The following SMAD3 variants were observed in gnomAD, a reference collection of about 807,000 sequenced individuals.
The protein encoded by SMAD3 is SMAD family member 3.
SMAD3 carries 12 observed loss-of-function variants against 51.8 expected under a neutral mutation model. The observed-to-expected ratio is 0.23, with a 90% confidence interval of 0.15 to 0.38. The LOEUF is 0.38. Ranked by LOEUF, SMAD3 falls within the 10% of genes least tolerant of loss-of-function variation. The probability of loss-of-function intolerance (pLI) is 1.00; values close to 1 mark genes in which losing one functional copy is unlikely to be tolerated. For synonymous variants in SMAD3, 238 were observed against 227.7 expected (o/e 1.05, Z -0.41); for missense variants, 294 against 565.6 (o/e 0.52, Z 4.87).
intron 1 of SMAD3, among the ~76,000 whole-genome samples, chr15:67,086,236 C>T (rs1280620343): frequency 6.6e-6 from 1 of 152,074 alleles, no homozygotes; most frequent in Non-Finnish European, 1.5e-5. Flanking sequence ...CCGGTGGATT[C>T]TAGGGGCTGT....
intron 1 of SMAD3, among the ~76,000 whole-genome samples, chr15:67,138,872 G>T (rs1288528435): frequency 1.3e-5 from 2 of 152,184 alleles, no homozygotes; most frequent in Non-Finnish European, 1.5e-5. Context: ...GGGAAGATAT[G>T]AAATATAATT....
At chr15:67,140,330 G>C (rs543333546) in intron 1 of SMAD3, among the ~76,000 whole-genome samples, 1 of 152,290 alleles carries the variant, frequency 6.6e-6, no homozygotes, top group East Asian at 1.9e-4. Context: ...TTCTCACTTT[G>C]GTTTCAGGCA....
At chr15:67,174,702 G>A (rs1321531568) in intron 5 of SMAD3, 1 of 152,234 alleles carries the variant, frequency 6.6e-6, no homozygotes, top group Non-Finnish European at 1.5e-5. Context: ...TAGGATGGAG[G>A]CAAGCACACA....
At chr15:67,131,323 C>T (rs1204267056) in intron 1 of SMAD3, among the ~76,000 whole-genome samples, 2 of 152,148 alleles carry the variant, frequency 1.3e-5, no homozygotes, top group East Asian at 3.9e-4. Flanking sequence ...AACCAAGAGG[C>T]TTTGACTCAT....
intron 1 of SMAD3, among the ~76,000 whole-genome samples, chr15:67,086,397 T>C (rs982575762): frequency 1.3e-5 from 2 of 152,174 alleles, no homozygotes; most frequent in African/African-American, 4.8e-5. Context: ...AGAAATCTGA[T>C]GGGACACATC....
chr15:67,155,841 G>C (rs955668719), intron 1 of SMAD3, among the ~76,000 whole-genome samples: 1 of 152,028 alleles, frequency 6.6e-6, no homozygotes, highest in Non-Finnish European at 1.5e-5. Flanking sequence ...CAAAAATTTA[G>C]CCGGGTGTGG....
intron 1 of SMAD3, chr15:67,146,974 C>T (rs1216742213): frequency 6.6e-6 from 1 of 152,130 alleles, no homozygotes; most frequent in Non-Finnish European, 1.5e-5. Flanking sequence ...GAGCAGCCTC[C>T]AAAGATTCCC....
chr15:67,121,075 C>G (rs899556474), intron 1 of SMAD3, among the ~76,000 whole-genome samples: 1 of 152,214 alleles, frequency 6.6e-6, no homozygotes, highest in African/African-American at 2.4e-5. Flanking sequence ...ATGATTGTAT[C>G]TGTAACATAA....
intron 1 of SMAD3, among the ~76,000 whole-genome samples, chr15:67,114,103 G>A (rs777658414): frequency 1.2e-4 from 19 of 152,190 alleles, no homozygotes; most frequent in Admixed American, 2.0e-4. Flanking sequence ...CATTGGGCAG[G>A]TGGGGTTGTG....
intron 1 of SMAD3, chr15:67,142,802 A>T (rs1033026272): frequency 2.2e-6 from 1 of 449,224 alleles, no homozygotes; most frequent in Middle Eastern, 3.3e-4. Flanking sequence ...TAGGCTTGTG[A>T]TGTTTGTGAT....
Position 67,193,084 on chromosome 15 carries a change from G to A in SMAD3, c.*2548G>A, listed in dbSNP as rs186967388. On this transcript the variant is annotated 3_prime_UTR_variant, in exon 9 of 9. Transcript: ENST00000327367. ...AGAGTGCTACATAGGTGCTTTGGGC[G>A]TATGTAACATTAGTGTCCTTCCTTG... 5.6e-5 allele frequency: 13 copies of A among 233,296 alleles called. No homozygotes were observed. Among genetic ancestry groups the A allele is most frequent in the East Asian group, 4.8e-4 (8 of 16,716 alleles). 14.5% of individuals were successfully genotyped at this position (233,296 alleles called of 1,614,324 possible). A position where few individuals can be genotyped will look rare whatever the true frequency, so the allele number is the denominator to read the frequency against.
At chr15:67,147,888 G>C (rs538704191) in intron 1 of SMAD3, among the ~76,000 whole-genome samples, 6 of 152,166 alleles carry the variant, frequency 3.9e-5, no homozygotes, top group Admixed American at 6.5e-5. Flanking sequence ...TGTTGGCGTC[G>C]GGTTTGGGGC....
intron 3 of SMAD3, chr15:67,166,403 C>T (rs543474482): frequency 1.7e-4 from 69 of 402,534 alleles, no homozygotes; most frequent in African/African-American, 1.3e-3. Flanking sequence ...TGGGTCTGAG[C>T]CTGCAGATCT....
At chr15:67,141,830 T>C (rs1375257170) in intron 1 of SMAD3, among the ~76,000 whole-genome samples, 2 of 152,186 alleles carry the variant, frequency 1.3e-5, no homozygotes, top group Admixed American at 1.3e-4. Flanking sequence ...GCAGCTGAAC[T>C]TGGGGTTGAG....
chr15:67,115,170 T>C (rs1015167143), intron 1 of SMAD3, among the ~76,000 whole-genome samples: 3 of 152,190 alleles, frequency 2.0e-5, no homozygotes, highest in Non-Finnish European at 4.4e-5. Flanking sequence ...TGACAATCTT[T>C]GAATTCCTGG....
At chr15:67,085,959 G>T (rs769321395) in intron 1 of SMAD3, among the ~76,000 whole-genome samples, 2 of 151,986 alleles carry the variant, frequency 1.3e-5, no homozygotes, top group Non-Finnish European at 2.9e-5. Flanking sequence ...ACAAGTGCTG[G>T]TGGTGAGTAG....
chr15:67,164,813 T>C (rs1417060861), intron 1 of SMAD3, 82 bp from the exon 2 acceptor site: 5 of 1,425,676 alleles, frequency 3.5e-6, no homozygotes, highest in Non-Finnish European at 4.0e-6. Context: ...TTTCCAAGTG[T>C]CTGAAAGTAG....
At chr15:67,078,972 C>T (rs1475862311) in intron 1 of SMAD3, among the ~76,000 whole-genome samples, 2 of 150,278 alleles carry the variant, frequency 1.3e-5, no homozygotes, top group South Asian at 2.1e-4. Flanking sequence ...TTTGCAATGT[C>T]ACATATTATT....
chr15:67,185,489 A>G (rs1963200838), intron 7 of SMAD3, among the ~76,000 whole-genome samples: 1 of 152,132 alleles, frequency 6.6e-6, no homozygotes, highest in Non-Finnish European at 1.5e-5. Context: ...CAGGACATGG[A>G]TGGGTAGCTC....
Sources: allele counts gnomAD v4.1 joint callset (sites outside exome capture counted in the v4.1 genomes callset), GRCh38; gene constraint gnomAD v4.1.1; transcripts MANE v1.5; gene names NCBI Gene and HGNC (gene_info 2026-07-23, HGNC 2026-07-21).